The following NECAB1 variants were observed in gnomAD, a reference collection of about 807,000 sequenced individuals.
The protein encoded by NECAB1 is N-terminal EF-hand calcium binding protein 1, also known as N-terminal EF-hand calcium-binding protein 1.
A neutral mutation model predicts 57.5 loss-of-function variants in NECAB1; 29 were observed. The ratio of observed to expected loss-of-function variants is 0.50; its 90% CI spans 0.38 to 0.69. The LOEUF (loss-of-function observed/expected upper bound fraction) is 0.69, where lower values mean the gene tolerates loss of function less well. NECAB1 is among the 30% of genes least tolerant of loss of function. NECAB1 has a pLI of 0.00. For missense variants in NECAB1, 372 were observed against 413.8 expected (o/e 0.90, Z 0.88); for synonymous variants, 142 against 147.7 (o/e 0.96, Z 0.28).
chr8:90,863,746 C>T (rs1280512097), intron 3 of NECAB1, among the ~76,000 whole-genome samples: 1 of 151,920 alleles, frequency 6.6e-6, no homozygotes, highest in African/African-American at 2.4e-5. Flanking sequence ...TAAAATTGGG[C>T]TAAATTGGAT....
intron 3 of NECAB1, among the ~76,000 whole-genome samples, chr8:90,856,076 G>A (rs1435735380): frequency 5.3e-5 from 8 of 152,124 alleles, no homozygotes; most frequent in African/African-American, 1.7e-4. Flanking sequence ...TAGAAACACA[G>A]TTACCACCCC....
chr8:90,922,510 T>TTTTTA (rs1810145352), intron 6 of NECAB1, among the ~76,000 whole-genome samples: 2 of 119,498 alleles, frequency 1.7e-5, no homozygotes, highest in African/African-American at 2.7e-5. Flanking sequence ...TTTTTTTTTT[T>TTTTTA]GAGATGGAGT....
chr8:90,850,048 C>T (rs1443594736), intron 3 of NECAB1, among the ~76,000 whole-genome samples: 1 of 152,116 alleles, frequency 6.6e-6, no homozygotes, highest in African/African-American at 2.4e-5. Flanking sequence ...CACCAATTAA[C>T]TTCAAATCAT....
chr8:90,885,456 T>C (rs1466295095), intron 5 of NECAB1, among the ~76,000 whole-genome samples: 8 of 152,176 alleles, frequency 5.3e-5, no homozygotes, highest in Admixed American at 4.6e-4. Flanking sequence ...TCCGTGGCTA[T>C]GACCAAAAAG....
intron 2 of NECAB1, among the ~76,000 whole-genome samples, chr8:90,814,087 C>G (rs1165648982): frequency 6.6e-6 from 1 of 152,314 alleles, no homozygotes; most frequent in East Asian, 1.9e-4. Context: ...TCTCCTTAAG[C>G]TCCTCTTGGT....
chr8:90,824,663 A>C, intron 2 of NECAB1, 54 bp from the exon 3 acceptor site: 2 of 1,204,498 alleles, frequency 1.7e-6, no homozygotes, highest in Non-Finnish European at 2.3e-6. Flanking sequence ...AAGCAAAAAC[A>C]GAACAATGTA....
chr8:90,866,774 G>A (rs1808522972), intron 3 of NECAB1, among the ~76,000 whole-genome samples: 1 of 152,088 alleles, frequency 6.6e-6, no homozygotes, highest in South Asian at 2.1e-4. Flanking sequence ...AGAGGATTTG[G>A]AGAAATAGGA....
intron 9 of NECAB1, among the ~76,000 whole-genome samples, chr8:90,939,244 T>C (rs570130514): frequency 3.9e-5 from 6 of 152,324 alleles, no homozygotes; most frequent in South Asian, 2.1e-4. Flanking sequence ...GCAGGTCTTG[T>C]TCATATGGTA....
intron 5 of NECAB1, among the ~76,000 whole-genome samples, chr8:90,890,340 G>C (rs966251801): frequency 2.0e-5 from 3 of 152,168 alleles, no homozygotes; most frequent in African/African-American, 7.2e-5. Flanking sequence ...ACCCTGTGAA[G>C]AAGGTGCCTG....
intron 2 of NECAB1, among the ~76,000 whole-genome samples, chr8:90,823,783 T>C (rs573729780): frequency 2.6e-5 from 4 of 152,016 alleles, no homozygotes; most frequent in South Asian, 2.1e-4. Flanking sequence ...GAAGGGATCT[T>C]ACTATCTTTT....
intron 10 of NECAB1, among the ~76,000 whole-genome samples, chr8:90,947,616 G>T (rs1251512585): frequency 6.6e-6 from 1 of 152,076 alleles, no homozygotes; most frequent in African/African-American, 2.4e-5. Flanking sequence ...GGCCAGGCTG[G>T]CCTTGAACTC....
intron 4 of NECAB1, among the ~76,000 whole-genome samples, chr8:90,873,846 GA>G (rs1242029840): frequency 1.3e-5 from 2 of 151,510 alleles, no homozygotes; most frequent in African/African-American, 2.4e-5. Flanking sequence ...CTCCTCTACT[GA>G]AAAAAATATT....
intron 5 of NECAB1, among the ~76,000 whole-genome samples, chr8:90,885,578 A>G (rs1808961039): frequency 6.6e-6 from 1 of 152,224 alleles, no homozygotes; most frequent in Non-Finnish European, 1.5e-5. Flanking sequence ...TTAGTAAGGA[A>G]TGTTAGTCAA....
At position 90,835,595 on chromosome 8, in the gene NECAB1, T is replaced by C. The variant is rs377186158; in HGVS notation, c.233+10770T>C. ...TAAGATGTATTCACTAACCTTTCCTTTTCTTTTGGATCATTTGCTTTCTCC... is the reference window on the plus strand; with the variant it reads ...TAAGATGTATTCACTAACCTTTCCTCTTCTTTTGGATCATTTGCTTTCTCC... On this transcript the variant is annotated intron_variant, in intron 3 of 12. Transcript: ENST00000417640. Among the ~76,000 whole-genome samples the C allele has an allele frequency of 6.6e-4, 100 of 152,224 alleles. 1 individual carries two copies. The highest frequency in any genetic ancestry group is 2.2e-3 in the African/African-American group (90 of 41,550).
At chr8:90,798,316 A>C (rs1475786879) in intron 1 of NECAB1, among the ~76,000 whole-genome samples, 1 of 152,196 alleles carries the variant, frequency 6.6e-6, no homozygotes, top group Non-Finnish European at 1.5e-5. Context: ...TTTATTTTAG[A>C]TTCAGGAGGA....
At chr8:90,902,715 T>C (rs2631031) in intron 5 of NECAB1, among the ~76,000 whole-genome samples, 74,561 of 151,788 alleles carry the variant, frequency 0.49, 20,448 homozygotes, top group East Asian at 0.79. Context: ...CACAGGAAAA[T>C]GAAGACTCTT....
intron 5 of NECAB1, among the ~76,000 whole-genome samples, chr8:90,897,008 T>C (rs1231221632): frequency 6.6e-6 from 1 of 152,100 alleles, no homozygotes; most frequent in African/African-American, 2.4e-5. Flanking sequence ...CCCTCCCTTC[T>C]CCAAGTGTGC....
chr8:90,909,631 T>A (rs943862499), intron 5 of NECAB1, among the ~76,000 whole-genome samples: 2 of 151,614 alleles, frequency 1.3e-5, no homozygotes, highest in Admixed American at 1.3e-4. Flanking sequence ...TTTTCTGGAA[T>A]AAAAGTGTTG....
At chr8:90,850,712 CTT>C (rs1303039140) in intron 3 of NECAB1, among the ~76,000 whole-genome samples, 1 of 152,108 alleles carries the variant, frequency 6.6e-6, no homozygotes, top group Non-Finnish European at 1.5e-5. Context: ...GTTCAAGCCT[CTT>C]TGTTTCCATT....
Sources: allele counts gnomAD v4.1 joint callset (sites outside exome capture counted in the v4.1 genomes callset), GRCh38; gene constraint gnomAD v4.1.1; transcripts MANE v1.5; gene names NCBI Gene and HGNC (gene_info 2026-07-23, HGNC 2026-07-21).